The following TSPO variants were observed in gnomAD, a reference collection of about 807,000 sequenced individuals.
TSPO encodes translocator protein, also known as benzodiazepine peripheral binding site.
In TSPO, 14 loss-of-function variants were observed where a neutral mutation model predicts 13.9. The ratio of observed to expected loss-of-function variants is 1.01; its 90% CI spans 0.67 to 1.58. The LOEUF is 1.58. Ranked by LOEUF, TSPO falls within the 40% of genes most tolerant of loss-of-function variation. The pLI is 0.00. For missense variants in TSPO, 232 were observed against 229.6 expected (o/e 1.01, Z -0.07); for synonymous variants, 114 against 105.9 (o/e 1.08, Z -0.47).
chr22:43,159,088 G>T (rs533394871), intron 1 of TSPO, 122 bp from the exon 2 acceptor site: 26 of 756,598 alleles, frequency 3.4e-5, no homozygotes, highest in East Asian at 2.9e-4. Context: ...ACATCTCTGC[G>T]CCTCCTGATC....
At chr22:43,162,311 G>A (rs146840776) in intron 3 of TSPO, among the ~76,000 whole-genome samples, 51 of 152,116 alleles carry the variant, frequency 3.4e-4, no homozygotes, top group South Asian at 1.0e-3. Flanking sequence ...TAGTAGAGAC[G>A]GGGTTTTACC....
Position 43,154,409 on chromosome 22 carries a change from A to T in TSPO, c.-30+2805A>T, listed in dbSNP as rs944925152. ...AGTCTTGCTCTGTTGCCCAGGCTGGAGTGCAGTGGCGTAATCTTGGCTCAC... is the reference window on the plus strand; with the variant it reads ...AGTCTTGCTCTGTTGCCCAGGCTGGTGTGCAGTGGCGTAATCTTGGCTCAC... On this transcript the variant is annotated intron_variant, in intron 1 of 3. Coordinates refer to ENST00000337554, the MANE Select transcript of TSPO (RefSeq NM_000714.6). Among the ~76,000 whole-genome samples, 7 of 151,746 alleles carry T rather than the reference A, an allele frequency of 4.6e-5. No individual in the cohort carries two copies. In the East Asian group the frequency reaches 1.2e-3, roughly 25 times the overall value.
intron 1 of TSPO, among the ~76,000 whole-genome samples, chr22:43,153,630 C>G (rs1221154169): frequency 1.6e-5 from 2 of 124,986 alleles, no homozygotes; most frequent in Non-Finnish European, 3.4e-5. Flanking sequence ...GGATTACAGG[C>G]GTGAGCCACC....
Position 43,162,983 on chromosome 22 carries a change from C to G in TSPO, c.502C>G (p.Pro168Ala). The change falls in exon 4 of 4, where the codon CCA (proline) becomes GCA (alanine). Residue 168 changes from proline (P) to alanine (A), a missense_variant. By Grantham distance (27) the Pro-to-Ala change is conservative. Transcript: ENST00000337554. ...TGGCTGGCGTGGGGGACGGCGGCTG[C>G]CAGAGTGAGTGCCCGGCCCACCAGG... Reference protein sequence around the residue: ...NHGWRGGRRLPE With the variant: ...NHGWRGGRRLAE The G allele has an allele frequency of 6.3e-7, 1 of 1,582,600 alleles. No individual in the cohort carries two copies.
chr22:43,157,794 G>A (rs1367200628), intron 1 of TSPO, among the ~76,000 whole-genome samples: 1 of 152,184 alleles, frequency 6.6e-6, no homozygotes, highest in South Asian at 2.1e-4. Flanking sequence ...CTGAGATCGC[G>A]CCATTGTATT....
At chr22:43,161,344 C>A (rs1353867398) in intron 3 of TSPO, among the ~76,000 whole-genome samples, 154 bp downstream of exon 3, 6 of 152,172 alleles carry the variant, frequency 3.9e-5, no homozygotes, top group Non-Finnish European at 8.8e-5. Context: ...CACCCTGGAG[C>A]CTCCCCTCTA....
At chr22:43,157,420 C>T (rs1477420932) in intron 1 of TSPO, among the ~76,000 whole-genome samples, 1 of 152,100 alleles carries the variant, frequency 6.6e-6, no homozygotes, top group Admixed American at 6.5e-5. Flanking sequence ...TTTGCAGCGA[C>T]CTTGGGGGAT....
At chr22:43,151,988 CAG>C (rs1931085355) in intron 1 of TSPO, 1 of 152,294 alleles carries the variant, frequency 6.6e-6, no homozygotes, top group Admixed American at 6.5e-5. Flanking sequence ...TTGAGGGTCT[CAG>C]AATATCTGGG....
intron 1 of TSPO, among the ~76,000 whole-genome samples, chr22:43,153,795 A>T (rs1931166613): frequency 1.3e-5 from 2 of 151,020 alleles, no homozygotes; most frequent in South Asian, 2.1e-4. Context: ...TTATATATAT[A>T]TTTTTTGAGA....
In TSPO at chr22:43,161,194, A is replaced by C; in HGVS notation, c.321+4A>C. 2 of 1,610,778 alleles carry C rather than the reference A, an allele frequency of 1.2e-6. No homozygotes were observed. The highest frequency in any genetic ancestry group is 1.7e-6 in the Non-Finnish European group (2 of 1,177,968). ...TGGTGCCCGACAAATGGGCTGGGTA[A>C]GTGTGGCCACAGCATGTGTCCCTGA... is the stretch of plus-strand genomic sequence containing the variant. On this transcript the variant is annotated splice_donor_region_variant and intron_variant, in intron 3 of 3. Coordinates refer to ENST00000337554, the MANE Select transcript of TSPO (RefSeq NM_000714.6).
At position 43,163,062 on chromosome 22, in the gene TSPO, G is replaced by A. The variant is rs776758091; in HGVS notation, c.*71G>A. The stretch of plus-strand genomic sequence containing the variant: ...ACGCTTGTGATGTGGTGGCCGTCAC[G>A]CTTTCATGACCACTGGGCCTGCTAG... On this transcript the variant is annotated 3_prime_UTR_variant, in exon 4 of 4. Transcript: ENST00000337554. The A allele has an allele frequency of 7.1e-6, 11 of 1,556,266 alleles. No individual in the cohort carries two copies. The East Asian group carries it at 9.6e-5, about 14-fold the overall frequency.
rs531829108 is a variant in TSPO at position 43,157,457 on chromosome 22, G to A, written c.-29-1753G>A. 9.2e-5 allele frequency among the ~76,000 whole-genome samples: 14 copies of A among 152,260 alleles called. 1 individual carries two copies. Among genetic ancestry groups the A allele is most frequent in the South Asian group, 4.1e-4 (2 of 4,826 alleles). On this transcript the variant is annotated intron_variant, in intron 1 of 3. Coordinates refer to ENST00000337554, the MANE Select transcript of TSPO (RefSeq NM_000714.6). ...GGGTAACTGTCCCCATTCAACAGGC[G>A]AGAAAACTGAGGTCCAGGGAGGGGA... is the stretch of plus-strand genomic sequence containing the variant.
intron 1 of TSPO, 101 bp from the exon 2 acceptor site, chr22:43,159,109 T>G (rs1931346318): frequency 3.2e-6 from 3 of 933,802 alleles, no homozygotes; most frequent in Non-Finnish European, 4.5e-6. Flanking sequence ...AGCTGACTGG[T>G]TGATCTGTGG....
At chr22:43,160,920 T>G in intron 2 of TSPO, 132 bp from the exon 3 acceptor site, 1 of 1,172,842 alleles carries the variant, frequency 8.5e-7, no homozygotes, top group Non-Finnish European at 1.2e-6. Context: ...CCCAGACAGG[T>G]CAAGCAACTT....
At chr22:43,158,513 C>T (rs1383364113) in intron 1 of TSPO, among the ~76,000 whole-genome samples, 1 of 152,106 alleles carries the variant, frequency 6.6e-6, no homozygotes, top group East Asian at 1.9e-4. Context: ...GCCATATTGC[C>T]ACCAGGGCAG....
Position 43,161,099 on chromosome 22 carries a change from A to T in TSPO, c.230A>T (p.Lys77Met). 1 of 1,614,178 alleles carries T rather than the reference A, an allele frequency of 6.2e-7. No homozygotes were observed. The highest frequency in any genetic ancestry group is 8.5e-7 in the Non-Finnish European group (1 of 1,180,018). ...VWKELGGFTE[K>M]AVVPLGLYTG... is the part of the protein sequence containing the mutation. ...AAAGAGCTGGGAGGCTTCACAGAGA[A>T]GGCTGTGGTTCCCCTGGGCCTCTAC... Residue 77 changes from lysine (K) to methionine (M), a missense_variant, in exon 3 of 4, where the codon AAG (lysine) becomes ATG (methionine). Coordinates refer to ENST00000337554, the MANE Select transcript of TSPO (RefSeq NM_000714.6).
At position 43,163,134 on chromosome 22, in the gene TSPO, C is replaced by G. The variant is rs1931510348; in HGVS notation, c.*143C>G. ...GGGTCAGCAGAGCTTCAGAGGTGGC[C>G]CCACCTGAGCCCCCACCCGGGAGCA... On this transcript the variant is annotated 3_prime_UTR_variant, in exon 4 of 4. Transcript: ENST00000337554. The G allele has an allele frequency of 6.1e-6, 9 of 1,471,636 alleles. No individual in the cohort carries two copies. The highest frequency in any genetic ancestry group is 8.1e-6 in the Non-Finnish European group (9 of 1,113,166). 91.2% of individuals were successfully genotyped at this position (1,471,636 alleles called of 1,614,324 possible).
chr22:43,159,869 GC>G (rs1931379343), intron 2 of TSPO, among the ~76,000 whole-genome samples: 1 of 152,150 alleles, frequency 6.6e-6, no homozygotes, highest in South Asian at 2.1e-4. Context: ...ACCCCCCACA[GC>G]CCCTTCAGGC....
intron 1 of TSPO, among the ~76,000 whole-genome samples, chr22:43,155,954 G>A (rs965462416): frequency 6.6e-6 from 1 of 152,192 alleles, no homozygotes; most frequent in African/African-American, 2.4e-5. Context: ...TACCGCCCCT[G>A]CCCACCTGTT....
Sources: gnomAD v4.1 joint callset for allele counts (sites outside exome capture counted in the v4.1 genomes callset) on GRCh38, gnomAD v4.1.1 for gene constraint, MANE v1.5 for transcripts, NCBI Gene and HGNC (gene_info 2026-07-23, HGNC 2026-07-21) for gene names.